RALGPS1: variants seen among roughly 807,000 people sequenced by gnomAD.
The protein encoded by RALGPS1 is Ral GEF with PH domain and SH3 binding motif 1, also known as ras-specific guanine nucleotide-releasing factor RalGPS1.
Under a neutral mutation model 78.8 loss-of-function variants are expected in RALGPS1, and 19 were observed. The ratio of observed to expected loss-of-function variants is 0.24; its 90% CI spans 0.17 to 0.35. RALGPS1 has a LOEUF of 0.35. Ranked by LOEUF, RALGPS1 falls within the 10% of genes least tolerant of loss-of-function variation. The probability of loss-of-function intolerance (pLI) is 1.00; values close to 1 mark genes in which losing one functional copy is unlikely to be tolerated. For synonymous variants in RALGPS1, 228 were observed against 256.3 expected, an observed-to-expected ratio of 0.89 and a Z score of 1.06; for missense variants, 454 against 688.3, an observed-to-expected ratio of 0.66 and a Z score of 3.81.
intron 3 of RALGPS1, among the ~76,000 whole-genome samples, chr9:126,966,561 T>C (rs899099438): frequency 2.7e-5 from 4 of 150,110 alleles, no homozygotes; most frequent in African/African-American, 9.8e-5. Context: ...AACACACATA[T>C]GACATGTATT....
Position 127,058,426 on chromosome 9 carries a change from G to A in RALGPS1, c.483+5487G>A, listed in dbSNP as rs142633160. Among the ~76,000 whole-genome samples the A allele has an allele frequency of 5.9e-5, 9 of 152,268 alleles. No homozygotes were observed. In the South Asian group the frequency reaches 1.2e-3, roughly 21 times the overall value. On this transcript the variant is annotated intron_variant, in intron 7 of 18. Transcript: ENST00000259351. ...GATGGGGACCAAGAGTGGAAACTGGGGGCCTACTCAGCAGGTTAGGGCAGA... is the reference window on the plus strand; with the variant it reads ...GATGGGGACCAAGAGTGGAAACTGGAGGCCTACTCAGCAGGTTAGGGCAGA...
At chr9:126,977,862 T>C in intron 4 of RALGPS1, 117 bp downstream of exon 4, 3 of 700,788 alleles carry the variant, frequency 4.3e-6, no homozygotes, top group Non-Finnish European at 4.8e-6. Context: ...ATGCATGTTA[T>C]CCATTTAAAC....
At chr9:127,147,666 G>A (rs555710201) in intron 8 of RALGPS1, among the ~76,000 whole-genome samples, 5 of 152,264 alleles carry the variant, frequency 3.3e-5, no homozygotes, top group South Asian at 2.1e-4. Flanking sequence ...TTTGTCAGCC[G>A]TGTTGAAGAT....
intron 5 of RALGPS1, among the ~76,000 whole-genome samples, chr9:127,047,833 C>T (rs1011243236): frequency 6.6e-6 from 1 of 152,042 alleles, no homozygotes; most frequent in African/African-American, 2.4e-5. Flanking sequence ...ATCTCTTATT[C>T]CTTGTTTTCT....
At chr9:126,983,083 C>T (rs963588904) in intron 4 of RALGPS1, among the ~76,000 whole-genome samples, 1 of 151,376 alleles carries the variant, frequency 6.6e-6, no homozygotes, top group Non-Finnish European at 1.5e-5. Context: ...ATTACAGGCA[C>T]CTGATACCAC....
intron 2 of RALGPS1, among the ~76,000 whole-genome samples, chr9:126,962,785 G>T (rs894864813): frequency 6.6e-6 from 1 of 152,232 alleles, no homozygotes; most frequent in Non-Finnish European, 1.5e-5. Flanking sequence ...CCTGGGCTAG[G>T]GCCCCTGCTG....
intron 8 of RALGPS1, among the ~76,000 whole-genome samples, chr9:127,070,670 G>A (rs903646159): frequency 2.6e-5 from 4 of 151,754 alleles, no homozygotes; most frequent in Non-Finnish European, 4.4e-5. Flanking sequence ...TGGATGTCAG[G>A]GTTTTGCCAG....
rs757050296 is a variant in RALGPS1 at position 127,091,808 on chromosome 9, C to T, written c.610+22452C>T. ...CTCTCAGGTTCCAGGCGGAAACTGG[C>T]GTATTCTGCAAAGACTTTGCGGCCG... On this transcript the variant is annotated intron_variant, in intron 8 of 18. Transcript: ENST00000259351. The surrounding 1 kb of genome is among the most constrained non-coding windows in gnomAD (Gnocchi z 4.3). 6 of 1,614,154 alleles carry T rather than the reference C, an allele frequency of 3.7e-6. No homozygotes were observed. The highest frequency in any genetic ancestry group is 1.7e-4 in the Middle Eastern group (1 of 6,058).
intron 10 of RALGPS1, 133 bp downstream of exon 10, chr9:127,168,905 C>A (rs1268642311): frequency 2.9e-6 from 2 of 682,864 alleles, no homozygotes; most frequent in Non-Finnish European, 5.2e-6. Context: ...GAGTCCACAG[C>A]AGTAGCGCCC....
chr9:127,073,178 T>C (rs1387851488), intron 8 of RALGPS1, among the ~76,000 whole-genome samples: 1 of 152,230 alleles, frequency 6.6e-6, no homozygotes, highest in East Asian at 1.9e-4. Context: ...TTGGAACTTA[T>C]ACCTTCTCTC....
Position 127,195,161 on chromosome 9 carries a change from C to T in RALGPS1, c.981C>T (p.Gly327=), listed in dbSNP as rs770367593. Residue 327 remains glycine (G), a synonymous_variant, in exon 12 of 19, where the codon GGC becomes GGT. Coordinates refer to ENST00000259351, the MANE Select transcript of RALGPS1 (RefSeq NM_014636.3). ...RPTCPDTSVA[G]SLPTPPVPRH... ...CCTGTCCTGACACATCTGTTGCTGG[C>T]AGCCTCCCCACACCTCCAGTCCCCA... is the stretch of plus-strand genomic sequence containing the variant. The T allele has an allele frequency of 6.2e-7, 1 of 1,613,030 alleles. No homozygotes were observed. Among genetic ancestry groups the T allele is most frequent in the Non-Finnish European group, 8.5e-7 (1 of 1,179,984 alleles).
rs73599207 is a variant in RALGPS1, at chr9:127,218,590, G to T, written c.1645-150G>T. On this transcript the variant is annotated intron_variant, in intron 18 of 18. Coordinates refer to ENST00000259351, the MANE Select transcript of RALGPS1 (RefSeq NM_014636.3). This position sits in a 1 kb window ranked among gnomAD's most constrained non-coding sequence, Gnocchi z 4.4. ...GCACGCAGCTGCCACTTCACATGGG[G>T]TGGCTATTGTTATTGCCATACCCTC... The T allele has an allele frequency of 4.8e-3, 3,783 of 783,888 alleles. 117 individuals carry two copies. The African/African-American group carries it at 0.058, about 12-fold the overall frequency. 48.6% of individuals were successfully genotyped at this position (783,888 alleles called of 1,614,324 possible).
At position 126,965,711 on chromosome 9, in the gene RALGPS1, G is replaced by A. The variant is rs1050031087; in HGVS notation, c.58-133G>A. The A allele has an allele frequency of 4.1e-5, 27 of 651,598 alleles. No individual in the cohort carries two copies. In the African/African-American group the frequency reaches 4.5e-4, roughly 11 times the overall value. The allele number at this position is 651,598 out of a possible 1,614,324, so 40.4% of individuals were successfully genotyped here. ...AACATGGTGCCTGGACTGGGGTAAAGCTCTAATCAATAGAAGCCATTTTTT... is the reference window on the plus strand; with the variant it reads ...AACATGGTGCCTGGACTGGGGTAAAACTCTAATCAATAGAAGCCATTTTTT... On this transcript the variant is annotated intron_variant, in intron 2 of 18. Coordinates refer to ENST00000259351, the MANE Select transcript of RALGPS1 (RefSeq NM_014636.3).
At chr9:127,017,829 A>T (rs763824277) in intron 4 of RALGPS1, among the ~76,000 whole-genome samples, 1 of 152,166 alleles carries the variant, frequency 6.6e-6, no homozygotes, top group African/African-American at 2.4e-5. Context: ...CAGGGTCAGC[A>T]TCGTAAATAT....
chr9:127,065,664 G>A (rs1294634269), intron 7 of RALGPS1, among the ~76,000 whole-genome samples: 2 of 152,008 alleles, frequency 1.3e-5, no homozygotes, highest in African/African-American at 2.4e-5. Context: ...GTGCCATCAT[G>A]TCAGGTTTTT....
At chr9:127,024,206 A>G (rs565865150) in intron 4 of RALGPS1, among the ~76,000 whole-genome samples, 1 of 152,114 alleles carries the variant, frequency 6.6e-6, no homozygotes, top group Non-Finnish European at 1.5e-5. Flanking sequence ...AAGGTTTACA[A>G]TGTGTAATAT....
At chr9:127,120,637 C>T (rs866470244) in intron 8 of RALGPS1, among the ~76,000 whole-genome samples, 5 of 152,168 alleles carry the variant, frequency 3.3e-5, no homozygotes, top group Admixed American at 1.3e-4. Flanking sequence ...TCCTGGCTAA[C>T]GTGGTGAAAC....
intron 8 of RALGPS1, among the ~76,000 whole-genome samples, chr9:127,152,320 C>T (rs2058465855): frequency 6.6e-6 from 1 of 152,116 alleles, no homozygotes; most frequent in Non-Finnish European, 1.5e-5. Flanking sequence ...CCGAATGTAC[C>T]CTTGAATGTA....
intron 8 of RALGPS1, chr9:127,108,818 A>C: frequency 1.5e-6 from 2 of 1,377,204 alleles, no homozygotes; most frequent in Non-Finnish European, 9.8e-7. Context: ...TGATGGTCCC[A>C]CCACTGTCAG....
Sources: gnomAD v4.1 joint callset for allele counts (sites outside exome capture counted in the v4.1 genomes callset) on GRCh38, gnomAD v4.1.1 for gene constraint, Gnocchi (gnomAD v3.1) non-coding constraint, MANE v1.5 for transcripts, NCBI Gene and HGNC (gene_info 2026-07-23, HGNC 2026-07-21) for gene names.